TRIM36: variants seen among roughly 807,000 people sequenced by gnomAD.
The protein encoded by TRIM36 is tripartite motif containing 36, also known as E3 ubiquitin-protein ligase TRIM36.
TRIM36 carries 42 observed loss-of-function variants against 72.4 expected under a neutral mutation model. The observed-to-expected ratio is 0.58, with a 90% CI of 0.45 to 0.75. The LOEUF is 0.75. Among genes scored for constraint, TRIM36 ranks in the 30% least tolerant of loss-of-function variants. The probability of loss-of-function intolerance (pLI) is 0.00; values close to 1 mark genes in which losing one functional copy is unlikely to be tolerated. For missense variants in TRIM36, 913 were observed against 857.1 expected (o/e 1.07, Z -0.81); for synonymous variants, 315 against 282.8 (o/e 1.11, Z -1.14).
At chr5:115,144,042 T>TG (rs1330143296) in intron 4 of TRIM36, among the ~76,000 whole-genome samples, 3 of 151,204 alleles carry the variant, frequency 2.0e-5, no homozygotes, top group African/African-American at 7.3e-5. Context: ...AGCTAATTTT[T>TG]TTTTTGTATT....
chr5:115,171,286 C>T, upstream of TRIM36: 1 of 1,593,192 alleles, frequency 6.3e-7, no homozygotes, highest in Non-Finnish European at 8.6e-7. Flanking sequence ...AATGGAATAC[C>T]CTCCATTTAC....
rs547073854 is a variant in TRIM36 at position 115,159,913 on chromosome 5, T to C, written c.262+3605A>G. Reference sequence around the variant, plus strand: ...ACTTAAGAGACAATACTTTGTTCTATATAGATTTGTATTTTTAAACAATCA... The same window carrying C: ...ACTTAAGAGACAATACTTTGTTCTACATAGATTTGTATTTTTAAACAATCA... On this transcript the variant is annotated intron_variant, in intron 2 of 9. Transcript: ENST00000513154. Among the ~76,000 whole-genome samples the C allele has an allele frequency of 3.9e-5, 6 of 152,214 alleles. No homozygotes were observed. The South Asian group carries it at 1.0e-3, about 26-fold the overall frequency.
chr5:115,170,362 C>G (rs112130090), upstream of TRIM36, among the ~76,000 whole-genome samples: 2 of 152,228 alleles, frequency 1.3e-5, no homozygotes, highest in African/African-American at 2.4e-5. Flanking sequence ...GCTTTCTTCA[C>G]TCGCGGTTCG....
At chr5:115,142,627 A>G (rs901557265) in intron 4 of TRIM36, among the ~76,000 whole-genome samples, 9 of 152,204 alleles carry the variant, frequency 5.9e-5, no homozygotes, top group Non-Finnish European at 5.9e-5. Context: ...TTTATCTGAG[A>G]CAGCTCCAGT....
intron 9 of TRIM36, among the ~76,000 whole-genome samples, chr5:115,128,722 G>A (rs1369925665): frequency 1.7e-5 from 2 of 116,368 alleles, no homozygotes; most frequent in Non-Finnish European, 3.4e-5. Flanking sequence ...ACTGCAGTCC[G>A]CAGTCCGGCC....
chr5:115,165,533 CA>C (rs1387792262), intron 1 of TRIM36, among the ~76,000 whole-genome samples: 3 of 152,214 alleles, frequency 2.0e-5, no homozygotes, highest in African/African-American at 7.2e-5. Flanking sequence ...CTTTTAGCCA[CA>C]ACTGGTACTG....
chr5:115,142,881 G>C (rs535068016), intron 4 of TRIM36, among the ~76,000 whole-genome samples: 1 of 152,288 alleles, frequency 6.6e-6, no homozygotes, highest in African/African-American at 2.4e-5. Context: ...AAACTGCTCA[G>C]AAGCTTTCCT....
chr5:115,152,662 G>C (rs924994964), intron 2 of TRIM36, among the ~76,000 whole-genome samples: 1 of 152,142 alleles, frequency 6.6e-6, no homozygotes, highest in Non-Finnish European at 1.5e-5. Flanking sequence ...ATTAACAGCA[G>C]ATTTCTCAGC....
At chr5:115,166,690 T>C (rs1384246142) in intron 1 of TRIM36, among the ~76,000 whole-genome samples, 1 of 152,152 alleles carries the variant, frequency 6.6e-6, no homozygotes, top group Non-Finnish European at 1.5e-5. Flanking sequence ...TGGGTGACGA[T>C]GAGGAGACAA....
intron 1 of TRIM36, among the ~76,000 whole-genome samples, chr5:115,168,212 G>GT: frequency 6.6e-6 from 1 of 152,302 alleles, no homozygotes; most frequent in African/African-American, 2.4e-5. Flanking sequence ...CTTTAAAAAG[G>GT]TGTATAAGCA....
chr5:115,145,825 C>T (rs1580667613), intron 3 of TRIM36, among the ~76,000 whole-genome samples: 3 of 152,312 alleles, frequency 2.0e-5, no homozygotes, highest in East Asian at 3.8e-4. Flanking sequence ...CAAGTTTCTA[C>T]ATCCCCAAAG....
At chr5:115,129,523 A>C (rs1274192528) in intron 9 of TRIM36, among the ~76,000 whole-genome samples, 1 of 152,186 alleles carries the variant, frequency 6.6e-6, no homozygotes, top group African/African-American at 2.4e-5. Context: ...GCGCCATTGC[A>C]CTCCAGCCTG....
At chr5:115,138,391 G>A (rs1004869100) in intron 5 of TRIM36, among the ~76,000 whole-genome samples, 3 of 151,996 alleles carry the variant, frequency 2.0e-5, no homozygotes, top group Admixed American at 2.0e-4. Context: ...GAGCCACCGC[G>A]CCTGGCCTAA....
chr5:115,127,703 T>C (rs1298501850), intron 9 of TRIM36, among the ~76,000 whole-genome samples: 1 of 152,262 alleles, frequency 6.6e-6, no homozygotes, highest in Non-Finnish European at 1.5e-5. Flanking sequence ...GTGTAACACA[T>C]ACAATTATGT....
At chr5:115,137,170 A>G (rs2112798909) in intron 6 of TRIM36, 46 bp from the exon 7 acceptor site, 2 of 1,530,496 alleles carry the variant, frequency 1.3e-6, no homozygotes, top group Non-Finnish European at 1.8e-6. Context: ...AAGAAGTCAA[A>G]TCAGACTAAA....
rs761422440 is a variant in TRIM36 at position 115,126,700 on chromosome 5, T to A, written c.1954A>T (p.Thr652Ser). The stretch of plus-strand genomic sequence containing the variant: ...CAGTCAAGGAAAATCCCAATACTTG[T>A]TGGCATAGGGAGAACTCTATTTTCA... Reference protein sequence around the residue: ...EPENRVLPMPTSIGIFLDCDK... With the variant: ...EPENRVLPMPSSIGIFLDCDK... The change falls in exon 10 of 10, where the codon ACA becomes TCA. Residue 652 changes from threonine to serine, a missense_variant. Thr to Ser is a moderately conservative substitution (Grantham distance 58). Transcript: ENST00000513154. 2.2e-5 allele frequency: 36 copies of A among 1,614,104 alleles called. No homozygotes were observed. The South Asian group carries it at 3.8e-4, about 17-fold the overall frequency.
At position 115,163,520 on chromosome 5, in the gene TRIM36, G is replaced by C; in HGVS notation, c.260C>G (p.Pro87Arg). ...CAGCCCACAGTTCTAACACATACCT[G>C]GTCTGTTAATTCGGTCAATTTTATC... is the stretch of plus-strand genomic sequence containing the variant. ...SMDKIDRINR[P>R]GWKRNSLTPR... is the part of the protein sequence containing the mutation. The change falls in exon 2 of 10, where the codon CCA becomes CGA. Residue 87 changes from proline (P) to arginine (R), a missense_variant and splice_region_variant. Pro to Arg is a moderately radical substitution (Grantham distance 103, BLOSUM62 -2). Coordinates refer to ENST00000513154, the MANE Select transcript of TRIM36 (RefSeq NM_001300759.2). 6.2e-7 allele frequency: 1 copy of C among 1,613,204 alleles called. No individual in the cohort carries two copies. The highest frequency in any genetic ancestry group is 8.5e-7 in the Non-Finnish European group (1 of 1,179,216).
At chr5:115,129,902 T>C (rs1471355716) in intron 9 of TRIM36, among the ~76,000 whole-genome samples, 1 of 152,212 alleles carries the variant, frequency 6.6e-6, no homozygotes, top group Non-Finnish European at 1.5e-5. Flanking sequence ...TTTCTCATGT[T>C]ATGAACTTTT....
chr5:115,172,518 C>T (rs1181317041), upstream of TRIM36, among the ~76,000 whole-genome samples: 2 of 152,010 alleles, frequency 1.3e-5, no homozygotes, highest in African/African-American at 4.8e-5. Flanking sequence ...GGTGGATCAC[C>T]TGAGGTCGGG....
Sources: gnomAD v4.1 joint callset for allele counts (sites outside exome capture counted in the v4.1 genomes callset) on GRCh38, gnomAD v4.1.1 for gene constraint, MANE v1.5 for transcripts, NCBI Gene and HGNC (gene_info 2026-07-23, HGNC 2026-07-21) for gene names.